The following DTX2 variants were observed in gnomAD, a reference collection of about 807,000 sequenced individuals.
The protein encoded by DTX2 is deltex E3 ubiquitin ligase 2, also known as probable E3 ubiquitin-protein ligase DTX2.
In DTX2, 29 loss-of-function variants were observed where a neutral mutation model predicts 55.3. The observed-to-expected ratio is 0.52, with a 90% CI of 0.39 to 0.71. The LOEUF (loss-of-function observed/expected upper bound fraction) is 0.71. Ranked by LOEUF, DTX2 falls within the 30% of genes least tolerant of loss-of-function variation. DTX2 has a pLI of 0.00. For missense variants in DTX2, 537 were observed against 822.5 expected (o/e 0.65, Z 4.25); for synonymous variants, 276 against 340.4 (o/e 0.81, Z 2.08).
intron 2 of DTX2, among the ~76,000 whole-genome samples, chr7:76,466,669 G>A (rs1288304665): frequency 6.6e-6 from 1 of 151,732 alleles, no homozygotes; most frequent in African/African-American, 2.4e-5. Flanking sequence ...TCGGCTCACT[G>A]CAACCTCCAC....
At chr7:76,501,990 G>A (rs765492234) in intron 7 of DTX2, 14 of 378,184 alleles carry the variant, frequency 3.7e-5, no homozygotes, top group Middle Eastern at 7.2e-4. Flanking sequence ...GAGTTCAAGC[G>A]ATTCTCTTGC....
At chr7:76,493,892 T>A (rs1351071985) in intron 5 of DTX2, among the ~76,000 whole-genome samples, 3 of 121,276 alleles carry the variant, frequency 2.5e-5, no homozygotes, top group African/African-American at 8.5e-5. Flanking sequence ...GCTTGGCGTG[T>A]GTGAATTCAT....
At position 76,502,443 on chromosome 7, in the gene DTX2, G is replaced by T. The variant is rs1563757593; in HGVS notation, c.1376G>T (p.Cys459Phe). ...FHLLCLLAMY[C>F]NGNKDGSLQC... is the part of the protein sequence containing the mutation. ...CTGCTGTGCCTCCTGGCCATGTACT[G>T]CAACGGCAATAAGGTGCCCCCACTG... Residue 459 changes from cysteine to phenylalanine, a missense_variant, in exon 8 of 11, where the codon TGC (cysteine) becomes TTC (phenylalanine). Physicochemically the swap from Cys to Phe is radical, Grantham distance 205. Coordinates refer to ENST00000430490, the MANE Select transcript of DTX2 (RefSeq NM_001102594.3). 1 of 1,612,030 alleles carries T rather than the reference G, an allele frequency of 6.2e-7. No individual in the cohort carries two copies. The highest frequency in any genetic ancestry group is 1.8e-4 in the Middle Eastern group (1 of 5,534).
At chr7:76,504,913 G>C (rs958305278) in intron 10 of DTX2, among the ~76,000 whole-genome samples, 1 of 152,168 alleles carries the variant, frequency 6.6e-6, no homozygotes, top group East Asian at 1.9e-4. Flanking sequence ...GGTTCTGAGC[G>C]CCCAGCGAAG....
At chr7:76,500,329 CCT>C (rs1345706272) in intron 6 of DTX2, 110 bp from the exon 7 acceptor site, 1 of 473,480 alleles carries the variant, frequency 2.1e-6, no homozygotes, top group Non-Finnish European at 3.8e-6. Flanking sequence ...TGTCTGGGCC[CCT>C]CTCGCATTTC....
chr7:76,483,423 C>T (rs1809550952), intron 4 of DTX2, among the ~76,000 whole-genome samples: 1 of 152,280 alleles, frequency 6.6e-6, no homozygotes, highest in Non-Finnish European at 1.5e-5. Context: ...GAGTTAAAGG[C>T]CTGTGGCCTC....
At position 76,480,732 on chromosome 7, in the gene DTX2, T is replaced by C; in HGVS notation, c.223T>C (p.Tyr75His). 2 of 1,613,034 alleles carry C rather than the reference T, an allele frequency of 1.2e-6. No homozygotes were observed. Among genetic ancestry groups the C allele is most frequent in the African/African-American group, 1.3e-5 (1 of 75,022 alleles). ...LGQADPSLAP[Y>H]IIDLPSWTQF... ...CCAGGCAGACCCCTCGCTGGCCCCT[T>C]ACATTATTGACCTCCCCAGCTGGAC... is the stretch of plus-strand genomic sequence containing the variant. The change falls in exon 3 of 11, where the codon TAC (tyrosine) becomes CAC (histidine). Residue 75 changes from tyrosine (Y) to histidine (H), a missense_variant. This residue lies in a region of DTX2 where 301 missense variants were observed against 396.6 expected (regional missense o/e 0.76). Coordinates refer to ENST00000430490, the MANE Select transcript of DTX2 (RefSeq NM_001102594.3).
At chr7:76,498,178 A>AGTGTCT (rs1811136243) in intron 6 of DTX2, among the ~76,000 whole-genome samples, 2 of 152,044 alleles carry the variant, frequency 1.3e-5, no homozygotes, top group Non-Finnish European at 2.9e-5. Context: ...GCTGGCCCTC[A>AGTGTCT]GTGTCTGTGT....
chr7:76,484,562 G>T (rs1809695093), intron 4 of DTX2, among the ~76,000 whole-genome samples: 1 of 121,652 alleles, frequency 8.2e-6, no homozygotes, highest in Non-Finnish European at 1.8e-5. Flanking sequence ...GGTGGTGAGG[G>T]AGTGGGTGGG....
intron 2 of DTX2, among the ~76,000 whole-genome samples, chr7:76,466,661 G>T (rs561240011): frequency 6.6e-6 from 1 of 151,558 alleles, no homozygotes; most frequent in Non-Finnish European, 1.5e-5. Context: ...GCACGATCTC[G>T]GCTCACTGCA....
chr7:76,486,885 T>TGCTGCC (rs2116446270), intron 4 of DTX2, among the ~76,000 whole-genome samples: 1 of 4,150 alleles, frequency 2.4e-4, no homozygotes, highest in Non-Finnish European at 1.1e-3. Context: ...CTGCTGCTGC[T>TGCTGCC]GCCCTTGCCT....
Position 76,482,681 on chromosome 7 carries a change from C to G in DTX2, c.442C>G (p.Leu148Val). 1 of 1,613,794 alleles carries G rather than the reference C, an allele frequency of 6.2e-7. No homozygotes were observed. Residue 148 changes from leucine (L) to valine (V), a missense_variant, in exon 4 of 11, where the codon CTG becomes GTG. Physicochemically the swap from Leu to Val is conservative, Grantham distance 32. Around this residue, in one of 7 missense-constraint regions of DTX2, gnomAD observed 301 missense variants for 396.6 expected, o/e 0.76. Coordinates refer to ENST00000430490, the MANE Select transcript of DTX2 (RefSeq NM_001102594.3). ...CAACCAGCTCGTGGACTTGGCCCCC[C>G]TGGGGTACAACTACACTGTCAACTA... is the stretch of plus-strand genomic sequence containing the variant. ...RGNQLVDLAP[L>V]GYNYTVNYTT...
chr7:76,501,137 G>C (rs1376641843), intron 7 of DTX2: 2 of 377,076 alleles, frequency 5.3e-6, no homozygotes, highest in Non-Finnish European at 1.0e-5. Context: ...GAGCCCTGGA[G>C]ATACTGTTGG....
chr7:76,499,491 G>T (rs1264832965), intron 6 of DTX2, among the ~76,000 whole-genome samples: 1 of 151,960 alleles, frequency 6.6e-6, no homozygotes, highest in Non-Finnish European at 1.5e-5. Flanking sequence ...TGAAGGCCGT[G>T]AGCTTGGATT....
At chr7:76,494,977 A>G (rs1339302643) in intron 5 of DTX2, among the ~76,000 whole-genome samples, 1 of 129,414 alleles carries the variant, frequency 7.7e-6, no homozygotes, top group Non-Finnish European at 1.7e-5. Context: ...AGAGAGGTTT[A>G]TAACCAGGAG....
chr7:76,474,507 G>GAC (rs1808326055), intron 2 of DTX2: 1 of 151,452 alleles, frequency 6.6e-6, no homozygotes, highest in Non-Finnish European at 1.5e-5. Context: ...TCTTCTCTCG[G>GAC]GACGGCAGAG....
At chr7:76,498,810 GGGGTGTGT>G (rs1811242857) in intron 6 of DTX2, among the ~76,000 whole-genome samples, 1 of 74,034 alleles carries the variant, frequency 1.4e-5, no homozygotes, top group Non-Finnish European at 3.5e-5. Flanking sequence ...GTGGAGGTGT[GGGGTGTGT>G]GGGGTGTGTA....
At chr7:76,473,949 T>C (rs1808228148) in intron 2 of DTX2, among the ~76,000 whole-genome samples, 1 of 136,836 alleles carries the variant, frequency 7.3e-6, no homozygotes, top group African/African-American at 2.7e-5. Context: ...GAGACTGAGT[T>C]TCACTCTTAT....
intron 4 of DTX2, among the ~76,000 whole-genome samples, chr7:76,488,884 T>G (rs1347314745): frequency 2.7e-5 from 2 of 74,224 alleles, no homozygotes; most frequent in African/African-American, 6.8e-5. Flanking sequence ...GATGACAGAG[T>G]GAGACTCCGA....
Sources: gnomAD v4.1 joint callset for allele counts (sites outside exome capture counted in the v4.1 genomes callset) on GRCh38, gnomAD v4.1.1 for gene constraint, gnomAD v4.1.1 regional missense constraint, MANE v1.5 for transcripts, NCBI Gene and HGNC (gene_info 2026-07-23, HGNC 2026-07-21) for gene names.